Variants in UGGT2 observed in about 807,000 individuals in gnomAD.
UGGT2 encodes the protein UDP-glucose:glycoprotein glucosyltransferase 2.
In UGGT2, 180 loss-of-function variants were observed where a neutral mutation model predicts 192.1. The ratio of observed to expected loss-of-function variants is 0.94; its 90% CI spans 0.83 to 1.06. The LOEUF (loss-of-function observed/expected upper bound fraction) is 1.06, where lower values mean the gene tolerates loss of function less well. Ranked by LOEUF, UGGT2 falls within the 50% of genes least tolerant of loss-of-function variation. The probability of loss-of-function intolerance (pLI) is 0.00; values close to 1 mark genes in which losing one functional copy is unlikely to be tolerated. For missense variants in UGGT2, 1,849 were observed against 1,795.7 expected (o/e 1.03, Z -0.54); for synonymous variants, 580 against 591.0 (o/e 0.98, Z 0.27).
chr13:96,047,538 T>A (rs1319468446), intron 1 of UGGT2, among the ~76,000 whole-genome samples: 3 of 152,092 alleles, frequency 2.0e-5, no homozygotes, highest in Non-Finnish European at 4.4e-5. Flanking sequence ...GCAGAAAAGC[T>A]GCAAATTCTA....
At chr13:96,047,943 C>G (rs1051814331) in intron 1 of UGGT2, among the ~76,000 whole-genome samples, 1 of 152,120 alleles carries the variant, frequency 6.6e-6, no homozygotes, top group African/African-American at 2.4e-5. Flanking sequence ...AGAAAGTTAA[C>G]AAGGATATCC....
intron 5 of UGGT2, among the ~76,000 whole-genome samples, chr13:96,002,795 G>C (rs1240609351): frequency 6.6e-6 from 1 of 152,178 alleles, no homozygotes; most frequent in East Asian, 1.9e-4. Flanking sequence ...GTCCCCAAAA[G>C]ATCTTGGCAA....
intron 29 of UGGT2, among the ~76,000 whole-genome samples, chr13:95,876,661 A>T (rs534266389): frequency 2.0e-4 from 30 of 152,292 alleles, no homozygotes; most frequent in African/African-American, 6.5e-4. Context: ...GGAGTAATGC[A>T]TGTAATGTAA....
rs1360529569 is a variant in UGGT2 at position 95,949,350 on chromosome 13, G to GCGCCTT, written c.1434_1439dup (p.Arg479_Arg480dup). The GCGCCTT allele has an allele frequency of 6.4e-7, 1 of 1,556,182 alleles. No individual in the cohort carries two copies. Among genetic ancestry groups the GCGCCTT allele is most frequent in the Non-Finnish European group, 8.7e-7 (1 of 1,151,214 alleles). ...TAAAACTCACCAAATTATGAAAATT[G>GCGCCTT]CGCCTTATGGAAGGTACACTTCCAG... On this transcript the variant is annotated inframe_insertion, in exon 13 of 39. Coordinates refer to ENST00000376747, the MANE Select transcript of UGGT2 (RefSeq NM_020121.4).
intron 5 of UGGT2, 91 bp from the exon 6 acceptor site, chr13:95,999,398 G>C (rs2051726869): frequency 1.7e-6 from 2 of 1,144,200 alleles, no homozygotes; most frequent in East Asian, 2.4e-5. Flanking sequence ...TGGACATAAG[G>C]GTAAATTACT....
intron 25 of UGGT2, among the ~76,000 whole-genome samples, chr13:95,888,939 T>C (rs1158007622): frequency 6.6e-6 from 1 of 152,054 alleles, no homozygotes; most frequent in East Asian, 1.9e-4. Context: ...CTCAGCCTCC[T>C]GAGTAGTAAC....
intron 29 of UGGT2, among the ~76,000 whole-genome samples, chr13:95,874,024 G>A (rs548070627): frequency 1.4e-4 from 22 of 152,244 alleles, no homozygotes; most frequent in African/African-American, 4.8e-4. Context: ...ATTAGGGCAA[G>A]GTCACTAGCC....
At chr13:96,007,533 G>A (rs1380981435) in intron 5 of UGGT2, among the ~76,000 whole-genome samples, 2 of 152,076 alleles carry the variant, frequency 1.3e-5, no homozygotes, top group Non-Finnish European at 2.9e-5. Context: ...CAAACAATAT[G>A]ATCTTATATT....
At chr13:95,997,095 T>C (rs919118129) in intron 6 of UGGT2, among the ~76,000 whole-genome samples, 4 of 152,132 alleles carry the variant, frequency 2.6e-5, no homozygotes, top group African/African-American at 9.7e-5. Flanking sequence ...GGACTATAAG[T>C]AAAAGCAACC....
chr13:95,970,541 T>C (rs2050739607), intron 11 of UGGT2, among the ~76,000 whole-genome samples: 1 of 152,044 alleles, frequency 6.6e-6, no homozygotes, highest in South Asian at 2.1e-4. Flanking sequence ...GAGGATATGA[T>C]CAGCCCTGAG....
intron 36 of UGGT2, 145 bp downstream of exon 36, chr13:95,853,398 T>C (rs769282633): frequency 1.2e-5 from 7 of 567,694 alleles, no homozygotes; most frequent in Non-Finnish European, 2.1e-5. Context: ...AAATTATGTA[T>C]AAGTAGAAAT....
intron 38 of UGGT2, among the ~76,000 whole-genome samples, chr13:95,816,180 G>T (rs2139761289): frequency 6.6e-6 from 1 of 152,322 alleles, no homozygotes; most frequent in East Asian, 1.9e-4. Context: ...TAATGGCAGT[G>T]TAAGAACGAA....
intron 2 of UGGT2, among the ~76,000 whole-genome samples, chr13:96,026,627 A>G (rs2052672261): frequency 1.3e-5 from 2 of 150,236 alleles, no homozygotes; most frequent in Middle Eastern, 3.5e-3. Flanking sequence ...AACAGTTGAC[A>G]TATGAGAATA....
At chr13:95,850,347 AG>A (rs1191610709) in intron 36 of UGGT2, among the ~76,000 whole-genome samples, 1 of 152,228 alleles carries the variant, frequency 6.6e-6, no homozygotes, top group Non-Finnish European at 1.5e-5. Flanking sequence ...AGGAGGATTA[AG>A]GGCAAGAAAT....
chr13:95,845,033 T>C (rs1015758786), intron 36 of UGGT2, among the ~76,000 whole-genome samples: 4 of 152,294 alleles, frequency 2.6e-5, no homozygotes, highest in African/African-American at 9.6e-5. Context: ...CTCTTTTGCA[T>C]ATAATTAGCT....
chr13:95,956,415 T>C (rs1030694038), intron 12 of UGGT2, among the ~76,000 whole-genome samples: 2 of 152,172 alleles, frequency 1.3e-5, no homozygotes, highest in African/African-American at 4.8e-5. Flanking sequence ...AAATCATATA[T>C]CTGATAAGGA....
Position 95,970,276 on chromosome 13 carries a change from G to A in UGGT2, c.1185-14C>T. The stretch of plus-strand genomic sequence containing the variant: ...ATATCCAAAATACTATATATTCAAA[G>A]AAAAAACAGTTTTATTTTGATTTTC... On this transcript the variant is annotated splice_polypyrimidine_tract_variant and intron_variant, in intron 11 of 38. Transcript: ENST00000376747. The A allele has an allele frequency of 3.2e-6, 5 of 1,566,090 alleles. No individual in the cohort carries two copies. The highest frequency in any genetic ancestry group is 2.6e-6 in the Non-Finnish European group (3 of 1,157,578).
chr13:95,818,847 A>G (rs1300728899), intron 38 of UGGT2, among the ~76,000 whole-genome samples: 3 of 152,176 alleles, frequency 2.0e-5, no homozygotes, highest in Non-Finnish European at 4.4e-5. Flanking sequence ...GCCTTTCTCA[A>G]CCAGGCTAGG....
intron 7 of UGGT2, among the ~76,000 whole-genome samples, chr13:95,994,784 C>G (rs1373989653): frequency 1.3e-5 from 2 of 151,874 alleles, no homozygotes; most frequent in African/African-American, 4.8e-5. Context: ...AAATGAAGAA[C>G]AGGATCAAAA....
Sources: gnomAD v4.1 joint callset for allele counts (sites outside exome capture counted in the v4.1 genomes callset) on GRCh38, gnomAD v4.1.1 for gene constraint, MANE v1.5 for transcripts, NCBI Gene and HGNC (gene_info 2026-07-23, HGNC 2026-07-21) for gene names.